The following LHX9 variants were observed in gnomAD, a reference collection of about 807,000 sequenced individuals.
The protein encoded by LHX9 is LIM homeobox 9.
LHX9 carries 9 observed loss-of-function variants against 36.5 expected under a neutral mutation model. The observed-to-expected ratio is 0.25, with a 90% CI of 0.15 to 0.43. The LOEUF (loss-of-function observed/expected upper bound fraction) is 0.43. Among genes scored for constraint, LHX9 ranks in the 20% least tolerant of loss-of-function variants. The pLI, the probability that LHX9 is intolerant of heterozygous loss-of-function variation, is 1.00. For synonymous variants in LHX9, 211 were observed against 212.1 expected (o/e 0.99, Z 0.04); for missense variants, 464 against 526.4 (o/e 0.88, Z 1.16).
intron 1 of LHX9, among the ~76,000 whole-genome samples, chr1:197,919,001 C>T (rs1012225250): frequency 6.6e-6 from 1 of 152,198 alleles, no homozygotes; most frequent in African/African-American, 2.4e-5. Context: ...GCCGGGGCCC[C>T]TGGTCGGAGT....
At chr1:197,919,550 T>G (rs943669438) in intron 1 of LHX9, among the ~76,000 whole-genome samples, 1 of 152,248 alleles carries the variant, frequency 6.6e-6, no homozygotes, top group Non-Finnish European at 1.5e-5. Context: ...ATTTTTTGTT[T>G]AAAAATAACC....
Position 197,929,053 on chromosome 1 carries a change from G to C in LHX9, c.988G>C (p.Glu330Gln). ...ATTCAGAAGGAACCTTTTGCGGCAG[G>C]AGAATGGGGGTGTTGATAAAGCTGA... ...AKFRRNLLRQENGGVDKADGT... is the reference protein window; with the variant it reads ...AKFRRNLLRQQNGGVDKADGT... Residue 330 changes from glutamate to glutamine, a missense_variant, in exon 5 of 5, where the codon GAG becomes CAG. Transcript: ENST00000367387. 6.2e-7 allele frequency: 1 copy of C among 1,613,220 alleles called. No homozygotes were observed. The highest frequency in any genetic ancestry group is 2.2e-5 in the East Asian group (1 of 44,802).
Position 197,933,144 on chromosome 1 carries a change from CAT to C in LHX9, c.*3888_*3889del, listed in dbSNP as rs1485540264. ...TTCCTATTTAGCCGTATATCCAAAG[CAT>C]ATGTTAAACAAACTAACATATACTT... On this transcript the variant is annotated 3_prime_UTR_variant, in exon 5 of 5. Transcript: ENST00000367387. 2 of 151,970 alleles carry C rather than the reference CAT, an allele frequency of 1.3e-5. No individual in the cohort carries two copies. The highest frequency in any genetic ancestry group is 3.4e-3 in the Middle Eastern group (1 of 290). The allele number at this position is 151,970 out of a possible 1,614,324, so 9.4% of individuals were successfully genotyped here.
In LHX9 at chr1:197,917,380, A is replaced by T. The variant is rs754990735; in HGVS notation, c.-444A>T. 3 of 1,306,486 alleles carry T rather than the reference A, an allele frequency of 2.3e-6. No individual in the cohort carries two copies. The highest frequency in any genetic ancestry group is 2.5e-5 in the South Asian group (2 of 80,856). 80.9% of individuals were successfully genotyped at this position (1,306,486 alleles called of 1,614,324 possible). A position where few individuals can be genotyped will look rare whatever the true frequency, so the allele number is the denominator to read the frequency against. ...ACAGCTCAGGCAGGAGCAGTCCCCA[A>T]CCCAATCTACAGGCACTGGGAACTT... On this transcript the variant is annotated 5_prime_UTR_variant, in exon 1 of 5. Transcript: ENST00000367387.
chr1:197,927,457 T>C (rs925508342), intron 3 of LHX9, 134 bp from the exon 4 acceptor site: 1 of 743,202 alleles, frequency 1.3e-6, no homozygotes, highest in African/African-American at 1.7e-5. Context: ...TTTGTCTAGA[T>C]ACTACTCATA....
chr1:197,920,257 C>G, intron 2 of LHX9, 83 bp downstream of exon 2: 3 of 1,363,542 alleles, frequency 2.2e-6, no homozygotes, highest in Non-Finnish European at 3.1e-6. Flanking sequence ...CTCTCCGTCC[C>G]CTACCTTTTG....
Position 197,932,177 on chromosome 1 carries a change from G to T in LHX9, c.*2918G>T, listed in dbSNP as rs1660347603. ...AACACAACTGAAGGCCTAAAATTATGTGGTTTAAACAAAATTAGATAAACC... is the reference window on the plus strand; with the variant it reads ...AACACAACTGAAGGCCTAAAATTATTTGGTTTAAACAAAATTAGATAAACC... On this transcript the variant is annotated 3_prime_UTR_variant, in exon 5 of 5. Coordinates refer to ENST00000367387, the MANE Select transcript of LHX9 (RefSeq NM_020204.3). The T allele has an allele frequency of 4.6e-6, 2 of 433,138 alleles. No individual in the cohort carries two copies. The highest frequency in any genetic ancestry group is 3.3e-5 in the East Asian group (1 of 30,720). The allele number at this position is 433,138 out of a possible 1,614,324, so 26.8% of individuals were successfully genotyped here.
At position 197,933,167 on chromosome 1, in the gene LHX9, T is replaced by A. The variant is rs1219561717; in HGVS notation, c.*3908T>A. 1 of 152,108 alleles carries A rather than the reference T, an allele frequency of 6.6e-6. No individual in the cohort carries two copies. The highest frequency in any genetic ancestry group is 1.5e-5 in the Non-Finnish European group (1 of 67,964). 9.4% of individuals were successfully genotyped at this position (152,108 alleles called of 1,614,324 possible). A position where few individuals can be genotyped will look rare whatever the true frequency, so the allele number is the denominator to read the frequency against. On this transcript the variant is annotated 3_prime_UTR_variant, in exon 5 of 5. Transcript: ENST00000367387. ...AGCATATGTTAAACAAACTAACATA[T>A]ACTTTCCAGAAAATTTTTCATTATG...
Position 197,917,659 on chromosome 1 carries a change from C to T in LHX9, c.-165C>T. 6.6e-7 allele frequency: 1 copy of T among 1,526,338 alleles called. No homozygotes were observed. Among genetic ancestry groups the T allele is most frequent in the Non-Finnish European group, 8.8e-7 (1 of 1,141,652 alleles). The allele number at this position is 1,526,338 out of a possible 1,614,324, so 94.5% of individuals were successfully genotyped here. A position where few individuals can be genotyped will look rare whatever the true frequency, so the allele number is the denominator to read the frequency against. ...AACTCTTCCCAGTTCTTTTTGCTTC[C>T]CCTCGGCCCCCCAAGCAGACCGATT... On this transcript the variant is annotated 5_prime_UTR_variant, in exon 1 of 5. Transcript: ENST00000367387.
Position 197,921,939 on chromosome 1 carries a change from A to G in LHX9, c.733+280A>G, listed in dbSNP as rs527993871. The stretch of plus-strand genomic sequence containing the variant: ...AGGCAGAGCCAAATCCTTGTTGCCC[A>G]TTAGTTAATGAGCCCATTAGTTTCT... On this transcript the variant is annotated intron_variant, in intron 3 of 4. Transcript: ENST00000367387. This position sits in a 1 kb window ranked among gnomAD's most constrained non-coding sequence, Gnocchi z 4.6. Among the ~76,000 whole-genome samples, 51 of 152,180 alleles carry G rather than the reference A, an allele frequency of 3.4e-4. No individual in the cohort carries two copies. The highest frequency in any genetic ancestry group is 6.3e-4 in the Non-Finnish European group (43 of 68,028).
chr1:197,924,891 ATTTCAT>A lies in LHX9; in HGVS notation c.734-2699_734-2694del, dbSNP rs1417468055. ...ATTTAAGACAGTTTTAAGAGTTATC[ATTTCAT>A]CTCATAATTCGGGGAGTGGGGGAAT... On this transcript the variant is annotated intron_variant, in intron 3 of 4. Transcript: ENST00000367387. Among the ~76,000 whole-genome samples, 9 of 43,694 alleles carry A rather than the reference ATTTCAT, an allele frequency of 2.1e-4. 2 individuals are homozygous for A. The highest frequency in any genetic ancestry group is 2.5e-4 in the Non-Finnish European group (6 of 23,932). The allele number at this position is 43,694 out of a possible 152,430, so 28.7% of individuals were successfully genotyped here. A position where few individuals can be genotyped will look rare whatever the true frequency, so the allele number is the denominator to read the frequency against.
At chr1:197,923,861 G>A (rs967488137) in intron 3 of LHX9, among the ~76,000 whole-genome samples, 1 of 152,116 alleles carries the variant, frequency 6.6e-6, no homozygotes, top group Admixed American at 6.5e-5. Flanking sequence ...GGAGAAGGTC[G>A]CTTTTGTCTT....
rs1311846455 is a variant in LHX9, at chr1:197,935,433, G to C, written c.*6174G>C. On this transcript the variant is annotated 3_prime_UTR_variant, in exon 5 of 5. Coordinates refer to ENST00000367387, the MANE Select transcript of LHX9 (RefSeq NM_020204.3). Reference sequence around the variant, plus strand: ...TATAAATTAACCTGAAGAGTAATTGGATACCTTTTATGGTTATTTGAAAAT... The same window carrying C: ...TATAAATTAACCTGAAGAGTAATTGCATACCTTTTATGGTTATTTGAAAAT... 6.6e-6 allele frequency: 1 copy of C among 152,050 alleles called. No homozygotes were observed. Among genetic ancestry groups the C allele is most frequent in the Non-Finnish European group, 1.5e-5 (1 of 67,976 alleles). 9.4% of individuals were successfully genotyped at this position (152,050 alleles called of 1,614,324 possible).
rs753979331 is a variant in LHX9, at chr1:197,927,720, T to A, written c.863T>A (p.Ile288Asn). 4 of 1,614,166 alleles carry A rather than the reference T, an allele frequency of 2.5e-6. No individual in the cohort carries two copies. The South Asian group carries it at 4.4e-5, about 18-fold the overall frequency. ...QLRTMKSYFA[I>N]NHNPDAKDLK... is the part of the protein sequence containing the mutation. ...CGGACCATGAAATCCTACTTTGCCATCAACCACAACCCGGATGCCAAGGAC... is the reference window on the plus strand; with the variant it reads ...CGGACCATGAAATCCTACTTTGCCAACAACCACAACCCGGATGCCAAGGAC... Residue 288 changes from isoleucine to asparagine, a missense_variant, in exon 4 of 5, where the codon ATC becomes AAC. Coordinates refer to ENST00000367387, the MANE Select transcript of LHX9 (RefSeq NM_020204.3).
chr1:197,927,925 C>A (rs1660194643), intron 4 of LHX9, 132 bp downstream of exon 4: 1 of 867,022 alleles, frequency 1.2e-6, no homozygotes, highest in African/African-American at 1.7e-5. Context: ...AGCTATCTCC[C>A]TAGAGGGTGT....
At chr1:197,914,812 A>G (rs1424849700), upstream of LHX9, among the ~76,000 whole-genome samples, 1 of 152,220 alleles carries the variant, frequency 6.6e-6, no homozygotes, top group African/African-American at 2.4e-5. Context: ...GAAGTAGCAA[A>G]TGCCACTGGA....
chr1:197,917,266 G>A, upstream of LHX9: 4 of 1,219,702 alleles, frequency 3.3e-6, 1 homozygote, highest in South Asian at 6.2e-5. Flanking sequence ...TTTGTTGTCT[G>A]AATAAAAATC....
chr1:197,926,048 G>A (rs1017178714), intron 3 of LHX9, among the ~76,000 whole-genome samples: 2 of 152,226 alleles, frequency 1.3e-5, no homozygotes, highest in African/African-American at 4.8e-5. Context: ...ACATTTGTTT[G>A]TGTCTAGTCT....
intron 1 of LHX9, 39 bp downstream of exon 1, chr1:197,918,036 C>T (rs762208252): frequency 1.3e-6 from 2 of 1,593,248 alleles, no homozygotes; most frequent in South Asian, 1.1e-5. Flanking sequence ...CCGGGCACCC[C>T]TGCGCCCTCT....
Sources: allele counts gnomAD v4.1 joint callset (sites outside exome capture counted in the v4.1 genomes callset), GRCh38; gene constraint gnomAD v4.1.1; non-coding constraint Gnocchi (gnomAD v3.1); transcripts MANE v1.5; gene names NCBI Gene and HGNC (gene_info 2026-07-23, HGNC 2026-07-21).